Variants in KIAA0825 observed in about 807,000 individuals in gnomAD.
The protein encoded by KIAA0825 is uncharacterized protein KIAA0825.
KIAA0825 carries 119 observed loss-of-function variants against 147.6 expected under a neutral mutation model. The observed-to-expected ratio is 0.81, with a 90% CI of 0.69 to 0.94. The LOEUF is 0.94. Ranked by LOEUF, KIAA0825 falls within the 40% of genes least tolerant of loss-of-function variation. The pLI is 0.00. For synonymous variants in KIAA0825, 470 were observed against 518.1 expected (o/e 0.91, Z 1.26); for missense variants, 1,381 against 1,472.7 (o/e 0.94, Z 1.02).
chr5:94,497,034 G>A (rs1317499372), intron 5 of KIAA0825, among the ~76,000 whole-genome samples: 1 of 152,082 alleles, frequency 6.6e-6, no homozygotes, highest in Non-Finnish European at 1.5e-5. Context: ...ATTTGCCACG[G>A]CATTAATTAA....
intron 20 of KIAA0825, among the ~76,000 whole-genome samples, chr5:94,160,802 G>T (rs1389746734): frequency 6.6e-6 from 1 of 151,854 alleles, no homozygotes; most frequent in Non-Finnish European, 1.5e-5. Flanking sequence ...AGTCATATTG[G>T]ATTTTATTCT....
chr5:94,471,670 T>C lies in KIAA0825; in HGVS notation c.1517A>G (p.Asp506Gly). The change falls in exon 9 of 21, where the codon GAT becomes GGT. Residue 506 changes from aspartate (D) to glycine (G), a missense_variant. Asp to Gly is a moderately conservative substitution (Grantham distance 94). Coordinates refer to ENST00000682413, the MANE Select transcript of KIAA0825 (RefSeq NM_001145678.3). Reference protein sequence around the residue: ...TMLPLALACRDDSFQEIRANL... With the variant: ...TMLPLALACRGDSFQEIRANL... Reference sequence around the variant, plus strand: ...TGCTCTAATTTCCTGAAAAGAATCATCTCTGCATGCCAGAGCCAGTGGAAG... The same window carrying C: ...TGCTCTAATTTCCTGAAAAGAATCACCTCTGCATGCCAGAGCCAGTGGAAG... 1.3e-6 allele frequency: 2 copies of C among 1,552,262 alleles called. No homozygotes were observed. Among genetic ancestry groups the C allele is most frequent in the East Asian group, 2.4e-5 (1 of 40,916 alleles).
intron 14 of KIAA0825, 104 bp downstream of exon 14, chr5:94,439,878 T>A: frequency 1.4e-5 from 17 of 1,189,208 alleles, no homozygotes; most frequent in Non-Finnish European, 1.9e-5. Context: ...ATACATGCTA[T>A]TGGTTTACAT....
chr5:94,345,443 G>A (rs1282584459), intron 20 of KIAA0825, among the ~76,000 whole-genome samples: 1 of 152,036 alleles, frequency 6.6e-6, no homozygotes, highest in African/African-American at 2.4e-5. Context: ...AAAGGATGTG[G>A]GCTTGTGGCT....
chr5:94,269,260 A>G (rs1328777638), intron 20 of KIAA0825, among the ~76,000 whole-genome samples: 1 of 152,170 alleles, frequency 6.6e-6, no homozygotes, highest in African/African-American at 2.4e-5. Context: ...TCAAAACAAA[A>G]TCATACAACA....
intron 20 of KIAA0825, among the ~76,000 whole-genome samples, chr5:94,288,448 G>A (rs1403159284): frequency 2.6e-5 from 4 of 152,118 alleles, no homozygotes; most frequent in Non-Finnish European, 5.9e-5. Context: ...CTGCAATGAC[G>A]GGAACAGGCT....
chr5:94,366,083 C>T (rs182717440), intron 20 of KIAA0825, among the ~76,000 whole-genome samples: 316 of 152,294 alleles, frequency 2.1e-3, no homozygotes, highest in Admixed American at 6.4e-3. Flanking sequence ...CCAATTAGCA[C>T]TCCCAACTCA....
intron 20 of KIAA0825, among the ~76,000 whole-genome samples, chr5:94,361,233 G>A (rs1745012888): frequency 6.6e-6 from 1 of 152,046 alleles, no homozygotes; most frequent in Non-Finnish European, 1.5e-5. Context: ...ATAATAAAGT[G>A]TACCTAAATG....
intron 12 of KIAA0825, among the ~76,000 whole-genome samples, chr5:94,454,025 C>T (rs1351405253): frequency 1.3e-5 from 2 of 152,040 alleles, no homozygotes; most frequent in African/African-American, 4.8e-5. Flanking sequence ...AAAATTAAAA[C>T]AATGTAACCC....
At chr5:94,217,172 A>G (rs1773278098) in intron 20 of KIAA0825, among the ~76,000 whole-genome samples, 1 of 152,200 alleles carries the variant, frequency 6.6e-6, no homozygotes, top group Non-Finnish European at 1.5e-5. Flanking sequence ...CAAAGGAAGC[A>G]TTTAAAATTT....
intron 20 of KIAA0825, among the ~76,000 whole-genome samples, chr5:94,202,135 C>G (rs1771757178): frequency 6.6e-6 from 1 of 152,202 alleles, no homozygotes; most frequent in African/African-American, 2.4e-5. Flanking sequence ...TTTTCAGAAT[C>G]CTGACTAAAA....
intron 7 of KIAA0825, among the ~76,000 whole-genome samples, chr5:94,476,422 C>G (rs1761901440): frequency 6.6e-6 from 1 of 152,116 alleles, no homozygotes; most frequent in African/African-American, 2.4e-5. Flanking sequence ...CCAGTCGAAG[C>G]TAAAGCCCAA....
intron 20 of KIAA0825, among the ~76,000 whole-genome samples, chr5:94,242,587 T>TTTCCTTCTTTCCTTTC (rs1169026357): frequency 6.6e-6 from 1 of 151,876 alleles, no homozygotes. Context: ...CCTTTTTTTC[T>TTTCCTTCTTTCCTTTC]TTCCTTCTTT....
At chr5:94,401,050 T>A (rs1462809450) in intron 16 of KIAA0825, among the ~76,000 whole-genome samples, 1 of 152,130 alleles carries the variant, frequency 6.6e-6, no homozygotes, top group East Asian at 1.9e-4. Flanking sequence ...TGATTATATA[T>A]CACTAAATTA....
At chr5:94,558,206 T>TTGCCACCATCTTGGAAGCAGCC (rs1221375902) in intron 2 of KIAA0825, among the ~76,000 whole-genome samples, 6 of 152,204 alleles carry the variant, frequency 3.9e-5, no homozygotes, top group African/African-American at 1.4e-4. Context: ...AACATGAGGC[T>TTGCCACCATCTTGGAAGCAGCC]TGCCACCATC....
At chr5:94,182,336 T>G (rs1769734740) in intron 20 of KIAA0825, among the ~76,000 whole-genome samples, 1 of 142,960 alleles carries the variant, frequency 7.0e-6, no homozygotes, top group South Asian at 2.3e-4. Context: ...CTTGGCTCAC[T>G]GAAGCCTCCG....
chr5:94,597,469 T>C (rs1255051541), intron 1 of KIAA0825, among the ~76,000 whole-genome samples: 1 of 152,046 alleles, frequency 6.6e-6, no homozygotes, highest in Non-Finnish European at 1.5e-5. Context: ...TTTTACTGAA[T>C]TAAAGAAAAA....
chr5:94,545,088 C>G (rs748020099), intron 2 of KIAA0825, among the ~76,000 whole-genome samples: 3 of 152,116 alleles, frequency 2.0e-5, no homozygotes, highest in Non-Finnish European at 2.9e-5. Context: ...CACTGAACTC[C>G]GTGCTGCCCT....
At chr5:94,455,748 G>A (rs571252441) in intron 12 of KIAA0825, among the ~76,000 whole-genome samples, 1 of 152,180 alleles carries the variant, frequency 6.6e-6, no homozygotes, top group East Asian at 1.9e-4. Flanking sequence ...AGAAGTTAAA[G>A]TGCATTCATG....
Sources: gnomAD v4.1 joint callset for allele counts (sites outside exome capture counted in the v4.1 genomes callset) on GRCh38, gnomAD v4.1.1 for gene constraint, MANE v1.5 for transcripts, NCBI Gene and HGNC (gene_info 2026-07-23, HGNC 2026-07-21) for gene names.